Variants in IGF2R observed in about 807,000 individuals in gnomAD.
The protein encoded by IGF2R is cation-independent mannose-6-phosphate receptor.
Under a neutral mutation model 270.6 loss-of-function variants are expected in IGF2R, and 91 were observed. The observed-to-expected ratio is 0.34, with a 90% CI of 0.28 to 0.40. The LOEUF is 0.40. Among genes scored for constraint, IGF2R ranks in the 10% least tolerant of loss-of-function variants. IGF2R has a pLI of 1.00. For synonymous variants in IGF2R, 1,316 were observed against 1,258.9 expected (o/e 1.05, Z -0.96); for missense variants, 2,805 against 3,188.3 (o/e 0.88, Z 2.90).
chr6:160,078,481 C>T, intron 37 of IGF2R, 119 bp downstream of exon 37: 1 of 941,576 alleles, frequency 1.1e-6, no homozygotes. Context: ...TATGTGGCCA[C>T]TGGGCAGCAT....
rs1237037635 is a variant in IGF2R at position 160,111,144 on chromosome 6, A to AT, written c.*6061dup. On this transcript the variant is annotated 3_prime_UTR_variant, in exon 48 of 48. Transcript: ENST00000356956. Reference sequence around the variant, plus strand: ...TGACTGGGGCAATGATTTTGTAATGATAAGTATCTCAAAACATCATGTTGT... The same window carrying AT: ...TGACTGGGGCAATGATTTTGTAATGATTAAGTATCTCAAAACATCATGTTGT... The AT allele has an allele frequency of 1.3e-5, 2 of 152,210 alleles. No individual in the cohort carries two copies. The highest frequency in any genetic ancestry group is 1.3e-4 in the Admixed American group (2 of 15,276). 9.4% of individuals were successfully genotyped at this position (152,210 alleles called of 1,614,324 possible).
chr6:160,023,520 C>T (rs1777483390), intron 4 of IGF2R, among the ~76,000 whole-genome samples: 1 of 152,092 alleles, frequency 6.6e-6, no homozygotes, highest in Non-Finnish European at 1.5e-5. Flanking sequence ...GAGCTGTACC[C>T]CAAGCTTCAC....
intron 30 of IGF2R, 67 bp from the exon 31 acceptor site, chr6:160,069,801 C>T: frequency 6.9e-7 from 1 of 1,443,456 alleles, no homozygotes; most frequent in South Asian, 1.2e-5. Context: ...CATTTATTGC[C>T]TGATGAAGTT....
intron 46 of IGF2R, 120 bp from the exon 47 acceptor site, chr6:160,103,626 G>C: frequency 2.8e-6 from 2 of 706,786 alleles, no homozygotes; most frequent in South Asian, 3.1e-5. Flanking sequence ...CAGAATGTGG[G>C]AGAAATGCAG....
Position 160,083,978 on chromosome 6 carries a change from A to G in IGF2R, c.5862A>G (p.Ile1954Met). 1.9e-6 allele frequency: 3 copies of G among 1,613,938 alleles called. No individual in the cohort carries two copies. Among genetic ancestry groups the G allele is most frequent in the Non-Finnish European group, 2.5e-6 (3 of 1,179,840 alleles). Residue 1954 changes from isoleucine to methionine, a missense_variant, in exon 40 of 48, where the codon ATA becomes ATG. Physicochemically the swap from Ile to Met is conservative, Grantham distance 10 (BLOSUM62 1). Transcript: ENST00000356956. ...ACAGCTACCGGACATCCAGCATCAT[A>G]TTTAAGTGTGATGAAGATGAGGACA... ...HSNSYRTSSI[I>M]FKCDEDEDIG...
chr6:160,022,035 C>T (rs1156459478), intron 4 of IGF2R, among the ~76,000 whole-genome samples: 1 of 152,094 alleles, frequency 6.6e-6, no homozygotes, highest in African/African-American at 2.4e-5. Context: ...CACACACACA[C>T]ACACACGTCT....
rs1779364215 is a variant in IGF2R, at chr6:160,096,547, G to A, written c.6764G>A (p.Gly2255Glu). ...FFHCDPLVED[G>E]IPEFSHETAD... is the part of the protein sequence containing the mutation. ...CACTGTGACCCTCTGGTGGAGGACG[G>A]GATCCCCGAGTTCAGTCACGAGACT... Residue 2255 changes from glycine to glutamate, a missense_variant, in exon 45 of 48, where the codon GGG becomes GAG. By Grantham distance (98) the Gly-to-Glu change is moderately conservative. This residue lies in a region of IGF2R where 1,851 missense variants were observed against 2,207.2 expected (regional missense o/e 0.84). Coordinates refer to ENST00000356956, the MANE Select transcript of IGF2R (RefSeq NM_000876.4). The A allele has an allele frequency of 6.2e-7, 1 of 1,613,978 alleles. No individual in the cohort carries two copies. The highest frequency in any genetic ancestry group is 8.5e-7 in the Non-Finnish European group (1 of 1,180,004).
At chr6:160,042,335 C>T (rs913078754) in intron 11 of IGF2R, among the ~76,000 whole-genome samples, 3 of 152,204 alleles carry the variant, frequency 2.0e-5, no homozygotes, top group Non-Finnish European at 2.9e-5. Context: ...TGTACTGTAT[C>T]ACCACTGATG....
In IGF2R at chr6:160,043,283, C is replaced by A; in HGVS notation, c.1616C>A (p.Ala539Glu). The A allele has an allele frequency of 6.2e-7, 1 of 1,613,442 alleles. No homozygotes were observed. The highest frequency in any genetic ancestry group is 1.3e-5 in the African/African-American group (1 of 75,038). ...TGTCCCGAGGACGCGGCAGTGTGTG[C>A]AGTGGGTGAGTTGTGCCTGGATGGA... ...RGCPEDAAVC[A>E]VDKNGSKNLG... Residue 539 changes from alanine (A) to glutamate (E), a missense_variant, in exon 12 of 48, where the codon GCA (alanine) becomes GAA (glutamate). Ala to Glu is a moderately radical substitution (Grantham distance 107). Coordinates refer to ENST00000356956, the MANE Select transcript of IGF2R (RefSeq NM_000876.4).
In IGF2R at chr6:160,048,362, T is replaced by C; in HGVS notation, c.2346-13T>C. On this transcript the variant is annotated splice_polypyrimidine_tract_variant and intron_variant, in intron 17 of 47. Coordinates refer to ENST00000356956, the MANE Select transcript of IGF2R (RefSeq NM_000876.4). Reference sequence around the variant, plus strand: ...CTCTTTAAAAGCATATACATTTTGCTTTGAAATTTTAGTCTGGCAAAATCT... The same window carrying C: ...CTCTTTAAAAGCATATACATTTTGCCTTGAAATTTTAGTCTGGCAAAATCT... The C allele has an allele frequency of 6.2e-7, 1 of 1,613,718 alleles. No homozygotes were observed. The highest frequency in any genetic ancestry group is 1.1e-5 in the South Asian group (1 of 91,072).
At position 159,969,398 on chromosome 6, in the gene IGF2R, G is replaced by A. The variant is rs576735825; in HGVS notation, c.149+3G>A. 421 of 1,231,036 alleles carry A rather than the reference G, an allele frequency of 3.4e-4. 3 individuals are homozygous for A. The East Asian group carries it at 0.013, about 37-fold the overall frequency. 76.3% of individuals were successfully genotyped at this position (1,231,036 alleles called of 1,614,324 possible). A position where few individuals can be genotyped will look rare whatever the true frequency, so the allele number is the denominator to read the frequency against. On this transcript the variant is annotated splice_donor_region_variant and intron_variant, in intron 1 of 47. Coordinates refer to ENST00000356956, the MANE Select transcript of IGF2R (RefSeq NM_000876.4). ...GCCCCGTTCCCCGAGCTGTGCAGGTGGGTGGCCCGCCCGGACGCAGGCTCC... is the reference window on the plus strand; with the variant it reads ...GCCCCGTTCCCCGAGCTGTGCAGGTAGGTGGCCCGCCCGGACGCAGGCTCC...
At position 160,107,522 on chromosome 6, in the gene IGF2R, A is replaced by G. The variant is rs1341652299; in HGVS notation, c.*2438A>G. 1 of 152,264 alleles carries G rather than the reference A, an allele frequency of 6.6e-6. No homozygotes were observed. Among genetic ancestry groups the G allele is most frequent in the Non-Finnish European group, 1.5e-5 (1 of 68,050 alleles). The allele number at this position is 152,264 out of a possible 1,614,324, so 9.4% of individuals were successfully genotyped here. ...AAACATCCCGTGACAGCAAATCAGA[A>G]TTGGACTCTTTTTCAGAGAAATGAT... On this transcript the variant is annotated 3_prime_UTR_variant, in exon 48 of 48. Transcript: ENST00000356956.
chr6:160,029,413 C>T, intron 6 of IGF2R, 137 bp from the exon 7 acceptor site: 4 of 518,316 alleles, frequency 7.7e-6, no homozygotes, highest in South Asian at 5.4e-5. Flanking sequence ...TATACCATAT[C>T]TACTTTTATA....
intron 4 of IGF2R, among the ~76,000 whole-genome samples, chr6:160,023,339 T>G (rs545175140): frequency 1.1e-4 from 16 of 152,058 alleles, no homozygotes; most frequent in Non-Finnish European, 2.2e-4. Flanking sequence ...AGCAACTGGT[T>G]GAATGATGGT....
At chr6:159,988,828 G>GTTTT (rs1196412634) in intron 1 of IGF2R, among the ~76,000 whole-genome samples, 1 of 152,116 alleles carries the variant, frequency 6.6e-6, no homozygotes, top group Non-Finnish European at 1.5e-5. Context: ...GGGCGTCTTT[G>GTTTT]TTTTGTTCAT....
At chr6:160,093,733 C>A (rs1019301322) in intron 44 of IGF2R, 28 of 758,108 alleles carry the variant, frequency 3.7e-5, no homozygotes, top group Non-Finnish European at 6.7e-5. Flanking sequence ...AACCACTCAA[C>A]AGCCGAAGCA....
In IGF2R at chr6:160,061,826, A is replaced by G. The variant is rs369201229; in HGVS notation, c.3480A>G (p.Gln1160=). 13 of 1,614,030 alleles carry G rather than the reference A, an allele frequency of 8.1e-6. No homozygotes were observed. In the African/African-American group the frequency reaches 1.3e-4, roughly 17 times the overall value. Residue 1160 remains glutamine (Q), a synonymous_variant, in exon 25 of 48, where the codon CAA becomes CAG. Transcript: ENST00000356956. The stretch of plus-strand genomic sequence containing the variant: ...TGGGTGTGGTGCAGATGAGTCCCCA[A>G]GCCGCGGCGAATGGATCTTTGAGCA... ...WNLGVVQMSP[Q]AAANGSLSIM... is the part of the protein sequence containing the mutation.
chr6:160,056,680 C>A (rs1171993881), intron 20 of IGF2R, among the ~76,000 whole-genome samples, 155 bp downstream of exon 20: 1 of 152,218 alleles, frequency 6.6e-6, no homozygotes. Flanking sequence ...ACCCAGAGTT[C>A]CTCTCCACTC....
intron 34 of IGF2R, 87 bp downstream of exon 34, chr6:160,073,556 T>C (rs974870216): frequency 6.8e-7 from 1 of 1,474,212 alleles, no homozygotes; most frequent in African/African-American, 1.4e-5. Context: ...TGCCCACTAG[T>C]AGATGCCCAG....
Sources: gnomAD v4.1 joint callset for allele counts (sites outside exome capture counted in the v4.1 genomes callset) on GRCh38, gnomAD v4.1.1 for gene constraint, gnomAD v4.1.1 regional missense constraint, MANE v1.5 for transcripts, NCBI Gene and HGNC (gene_info 2026-07-23, HGNC 2026-07-21) for gene names.